Variants in LARP1 observed in about 807,000 individuals in gnomAD.
LARP1 encodes la-related protein 1.
In LARP1, 36 loss-of-function variants were observed where a neutral mutation model predicts 122.7. The observed-to-expected ratio is 0.29, with a 90% CI of 0.22 to 0.39. LARP1 has a LOEUF of 0.39. Among genes scored for constraint, LARP1 ranks in the 10% least tolerant of loss-of-function variants. The pLI, the probability that LARP1 is intolerant of heterozygous loss-of-function variation, is 1.00. For synonymous variants in LARP1, 539 were observed against 528.7 expected, an observed-to-expected ratio of 1.02 and a Z score of -0.27; for missense variants, 1,040 against 1,403.6, an observed-to-expected ratio of 0.74 and a Z score of 4.14.
intron 1 of LARP1, among the ~76,000 whole-genome samples, chr5:154,698,495 G>C (rs975018573): frequency 6.6e-6 from 1 of 152,168 alleles, no homozygotes; most frequent in Non-Finnish European, 1.5e-5. Context: ...TACTAGGGAG[G>C]CTGAGGCAGG....
intron 1 of LARP1, among the ~76,000 whole-genome samples, chr5:154,775,121 C>G (rs1435552040): frequency 6.6e-6 from 1 of 152,004 alleles, no homozygotes. Context: ...CTAGCTTGGA[C>G]AAGATGGCAA....
At position 154,803,257 on chromosome 5, in the gene LARP1, C is replaced by G. The variant is rs756724714; in HGVS notation, c.2110-33C>G. ...CAGGCTAGAGCAGCCTGCTTACTTA[C>G]ATCTTTCCCCACTCATCTCATGACC... On this transcript the variant is annotated intron_variant, in intron 11 of 18. Coordinates refer to ENST00000518297, the MANE Select transcript of LARP1 (RefSeq NM_033551.3). The surrounding 1 kb of genome is among the most constrained non-coding windows in gnomAD (Gnocchi z 4.4). The G allele has an allele frequency of 5.6e-6, 9 of 1,614,074 alleles. No homozygotes were observed. The South Asian group carries it at 8.8e-5, about 16-fold the overall frequency.
rs1261917627 is a variant in LARP1 at position 154,781,793 on chromosome 5, G to C, written c.437-8532G>C. ...GGTTCATCAGCTATCATTAGTGTTA[G>C]TGTGTTTTACGTGTGGCCCAAGACA... On this transcript the variant is annotated intron_variant, in intron 1 of 18. Coordinates refer to ENST00000518297, the MANE Select transcript of LARP1 (RefSeq NM_033551.3). Among the ~76,000 whole-genome samples the C allele has an allele frequency of 2.6e-5, 4 of 152,174 alleles. No individual in the cohort carries two copies. In the East Asian group the frequency reaches 7.7e-4, roughly 29 times the overall value.
rs191742950 is a variant in LARP1 at position 154,761,748 on chromosome 5, A to T, written c.436+5555A>T. ...GTACCTCGCTGGTGAAAACATGGGAAACAGCACATCAATGTGAAGGGAGAA... is the reference window on the plus strand; with the variant it reads ...GTACCTCGCTGGTGAAAACATGGGATACAGCACATCAATGTGAAGGGAGAA... On this transcript the variant is annotated intron_variant, in intron 1 of 18. Coordinates refer to ENST00000518297, the MANE Select transcript of LARP1 (RefSeq NM_033551.3). 9.8e-4 allele frequency among the ~76,000 whole-genome samples: 149 copies of T among 152,280 alleles called. 2 individuals are homozygous for T. The highest frequency in any genetic ancestry group is 4.4e-5 in the Non-Finnish European group (3 of 68,014).
chr5:154,756,037 G>C lies in LARP1; in HGVS notation c.280G>C (p.Glu94Gln). ...AGGCCCGGCCATCAGCGACGGGGAG[G>C]AGGGCGGCGGCGAGCCAGGCGCTGG... Reference protein sequence around the residue: ...AEGPAISDGEEGGGEPGAGGG... With the variant: ...AEGPAISDGEQGGGEPGAGGG... Residue 94 changes from glutamate to glutamine, a missense_variant, in exon 1 of 19, where the codon GAG becomes CAG. Glu to Gln is a conservative substitution (Grantham distance 29). This residue lies in a region of LARP1 where 257 missense variants were observed against 273.3 expected (regional missense o/e 0.94). Coordinates refer to ENST00000518297, the MANE Select transcript of LARP1 (RefSeq NM_033551.3). 1 of 1,055,776 alleles carries C rather than the reference G, an allele frequency of 9.5e-7. No homozygotes were observed. The highest frequency in any genetic ancestry group is 1.1e-6 in the Non-Finnish European group (1 of 872,856). 65.4% of individuals were successfully genotyped at this position (1,055,776 alleles called of 1,614,324 possible).
chr5:154,786,136 G>A (rs944871512), intron 1 of LARP1, among the ~76,000 whole-genome samples: 11 of 151,982 alleles, frequency 7.2e-5, no homozygotes, highest in Admixed American at 3.9e-4. Context: ...TCCGCCTCCC[G>A]GGTTCAAGCG....
chr5:154,779,919 A>G (rs1756279970), intron 1 of LARP1, among the ~76,000 whole-genome samples: 2 of 152,020 alleles, frequency 1.3e-5, no homozygotes, highest in South Asian at 2.1e-4. Flanking sequence ...TCCTGTCTCC[A>G]TGTTCATAGC....
In LARP1 at chr5:154,798,401, G is replaced by C. The variant is rs115075254; in HGVS notation, c.1378-1190G>C. Among the ~76,000 whole-genome samples, 608 of 152,212 alleles carry C rather than the reference G, an allele frequency of 4.0e-3. 7 individuals carry two copies. Among genetic ancestry groups the C allele is most frequent in the African/African-American group, 0.014 (562 of 41,520 alleles). On this transcript the variant is annotated intron_variant, in intron 8 of 18. Coordinates refer to ENST00000518297, the MANE Select transcript of LARP1 (RefSeq NM_033551.3). ...TTTTGTTTTAACTTAATATATCTGG[G>C]AGCTAACTGCAAAGTAGCAGTATAT...
intron 1 of LARP1, among the ~76,000 whole-genome samples, chr5:154,781,696 C>T (rs528408425): frequency 6.6e-6 from 1 of 152,340 alleles, no homozygotes; most frequent in Non-Finnish European, 1.5e-5. Context: ...CAAAGGACGG[C>T]TTTGAATGCG....
chr5:154,734,175 A>T (rs1425084543), intron 1 of LARP1, among the ~76,000 whole-genome samples: 2 of 152,100 alleles, frequency 1.3e-5, no homozygotes, highest in African/African-American at 4.8e-5. Flanking sequence ...CTCAAAAAAA[A>T]AAAAAATAGT....
chr5:154,691,560 C>T (rs1235949304), intron 1 of LARP1, among the ~76,000 whole-genome samples: 1 of 152,282 alleles, frequency 6.6e-6, no homozygotes, highest in East Asian at 1.9e-4. Context: ...GGGTGCCGTT[C>T]GTTGAAAAGG....
chr5:154,756,281 G>C, intron 1 of LARP1, 88 bp downstream of exon 1: 1 of 1,014,744 alleles, frequency 9.9e-7, no homozygotes, highest in Non-Finnish European at 1.2e-6. Context: ...GGGCCCCGGG[G>C]TCTGCTACCG....
intron 1 of LARP1, among the ~76,000 whole-genome samples, chr5:154,779,505 C>CTTT (rs11339301): frequency 2.2e-4 from 27 of 123,182 alleles, no homozygotes; most frequent in Non-Finnish European, 2.9e-4. Context: ...TACATTCTCT[C>CTTT]TTTTTTTTTT....
chr5:154,729,441 C>A, intron 1 of LARP1: 2 of 385,022 alleles, frequency 5.2e-6, no homozygotes, highest in Non-Finnish European at 1.0e-5. Context: ...ATGCTATTGG[C>A]CTTGTTGTAA....
intron 1 of LARP1, among the ~76,000 whole-genome samples, chr5:154,717,089 GGAGA>G (rs1224622670): frequency 3.3e-4 from 50 of 151,026 alleles, no homozygotes; most frequent in Admixed American, 7.9e-4. Context: ...AGAAAAAAAA[GGAGA>G]GAGAGAGAGA....
At chr5:154,805,842 T>TG (rs762762546) in intron 14 of LARP1, 39 bp from the exon 15 acceptor site, 1 of 1,600,798 alleles carries the variant, frequency 6.2e-7, no homozygotes, top group Non-Finnish European at 8.5e-7. Flanking sequence ...GGGGCTGCTG[T>TG]GGGGAACCTG....
chr5:154,800,164 G>A, intron 10 of LARP1, 122 bp downstream of exon 10: 2 of 876,010 alleles, frequency 2.3e-6, no homozygotes, highest in Admixed American at 2.9e-5. Flanking sequence ...GGTAGTTCAG[G>A]ATCATAGTGT....
intron 18 of LARP1, among the ~76,000 whole-genome samples, chr5:154,812,505 G>GCCC (rs36105801): frequency 2.0e-3 from 119 of 58,920 alleles, no homozygotes; most frequent in African/African-American, 4.5e-3. Flanking sequence ...GGAAGTAAAA[G>GCCC]CCCCCCCCCC....
rs748371564 is a variant in LARP1, at chr5:154,803,646, C to T, written c.2340C>T (p.Thr780=). The change falls in exon 13 of 19, where the codon ACC becomes ACT. Residue 780 remains threonine, a synonymous_variant. Transcript: ENST00000518297. This position sits in a 1 kb window ranked among gnomAD's most constrained non-coding sequence, Gnocchi z 4.4. The part of the protein sequence containing the change: ...TVPESPNYRN[T]RTPRTPRTPQ... ...CAGAGTCACCAAACTACCGCAACACCAGGACCCCTCGCACTCCCCGGACAC... is the reference window on the plus strand; with the variant it reads ...CAGAGTCACCAAACTACCGCAACACTAGGACCCCTCGCACTCCCCGGACAC... The T allele has an allele frequency of 1.2e-6, 2 of 1,614,188 alleles. No homozygotes were observed. Among genetic ancestry groups the T allele is most frequent in the Non-Finnish European group, 1.7e-6 (2 of 1,180,044 alleles).
Sources: allele counts gnomAD v4.1 joint callset (sites outside exome capture counted in the v4.1 genomes callset), GRCh38; gene constraint gnomAD v4.1.1; regional missense constraint gnomAD v4.1.1; non-coding constraint Gnocchi (gnomAD v3.1); transcripts MANE v1.5; gene names NCBI Gene and HGNC (gene_info 2026-07-23, HGNC 2026-07-21).